GALNT13: variants seen among roughly 807,000 people sequenced by gnomAD.
GALNT13 encodes the protein polypeptide N-acetylgalactosaminyltransferase 13, also known as UDP-GalNAc:polypeptide N-acetylgalactosaminyltransferase 13.
In GALNT13, 28 loss-of-function variants were observed where a neutral mutation model predicts 64.2. The ratio of observed to expected loss-of-function variants is 0.44; its 90% CI spans 0.32 to 0.60. The LOEUF is 0.60. Among genes scored for constraint, GALNT13 ranks in the 20% least tolerant of loss-of-function variants. The pLI, the probability that GALNT13 is intolerant of heterozygous loss-of-function variation, is 0.05. For synonymous variants in GALNT13, 214 were observed against 224.6 expected (o/e 0.95, Z 0.42); for missense variants, 577 against 669.8 (o/e 0.86, Z 1.53).
intron 3 of GALNT13, among the ~76,000 whole-genome samples, chr2:154,084,088 G>A (rs1419851322): frequency 6.6e-6 from 1 of 151,880 alleles, no homozygotes; most frequent in Non-Finnish European, 1.5e-5. Context: ...CTGGAGAAGA[G>A]ATGCAGTTTA....
chr2:153,421,011 T>A, the GALNT13 span: 1 of 178,348 alleles, frequency 5.6e-6, no homozygotes, highest in South Asian at 1.1e-4. Context: ...TTTGGTCTTG[T>A]TAGTGGAATA....
At chr2:154,023,177 G>C (rs1470805189) in intron 3 of GALNT13, among the ~76,000 whole-genome samples, 1 of 152,158 alleles carries the variant, frequency 6.6e-6, no homozygotes, top group African/African-American at 2.4e-5. Flanking sequence ...TGTTGATTTG[G>C]GGTGGAGAGT....
chr2:153,596,608 A>G, the GALNT13 span, among the ~76,000 whole-genome samples: 2 of 152,232 alleles, frequency 1.3e-5, 1 homozygote, highest in East Asian at 3.9e-4. Flanking sequence ...TTAATCTTTA[A>G]CCTCAATTTA....
At chr2:153,357,137 T>G in the GALNT13 span, 1 of 152,192 alleles carries the variant, frequency 6.6e-6, no homozygotes, top group African/African-American at 2.4e-5. Flanking sequence ...TTAATTTGAT[T>G]ATTGTAGATA....
At chr2:153,708,157 T>G in the GALNT13 span, among the ~76,000 whole-genome samples, 1 of 152,098 alleles carries the variant, frequency 6.6e-6, no homozygotes, top group Non-Finnish European at 1.5e-5. Flanking sequence ...AATCTTCATT[T>G]TAGAATGAAA....
chr2:153,811,876 C>T, the GALNT13 span, among the ~76,000 whole-genome samples: 1 of 152,214 alleles, frequency 6.6e-6, no homozygotes, highest in Non-Finnish European at 1.5e-5. Context: ...ACATTTGCCT[C>T]AGAGCTTATA....
chr2:153,580,481 G>A, the GALNT13 span, among the ~76,000 whole-genome samples: 1 of 152,118 alleles, frequency 6.6e-6, no homozygotes, highest in Non-Finnish European at 1.5e-5. Context: ...TGTATGCCAG[G>A]TGAGAACGCC....
the GALNT13 span, among the ~76,000 whole-genome samples, chr2:153,820,343 T>G: frequency 6.6e-6 from 1 of 152,086 alleles, no homozygotes. Context: ...TTCCCTAATA[T>G]GGTTAGAGAG....
chr2:153,937,535 A>G (rs1482838166), intron 2 of GALNT13, among the ~76,000 whole-genome samples: 1 of 152,206 alleles, frequency 6.6e-6, no homozygotes, highest in Non-Finnish European at 1.5e-5. Context: ...TGAGGAAAGG[A>G]AATGCCCTAA....
the GALNT13 span, among the ~76,000 whole-genome samples, chr2:153,572,743 T>C: frequency 6.6e-6 from 1 of 152,022 alleles, no homozygotes; most frequent in African/African-American, 2.4e-5. Flanking sequence ...TATGTATTTG[T>C]ATAGTTTCCA....
rs543671584 is a variant in GALNT13 at position 154,157,983 on chromosome 2, C to T, written c.311+17478C>T. The stretch of plus-strand genomic sequence containing the variant: ...GATACCTTTTCACCCTAACCCCAAG[C>T]GTAGATATGTCCTAAGGGTAAGGCC... On this transcript the variant is annotated intron_variant, in intron 4 of 12. Coordinates refer to ENST00000392825, the MANE Select transcript of GALNT13 (RefSeq NM_052917.4). Among the ~76,000 whole-genome samples the T allele has an allele frequency of 8.3e-4, 126 of 152,222 alleles. 3 individuals carry two copies. Among genetic ancestry groups the T allele is most frequent in the South Asian group, 6.2e-3 (30 of 4,822 alleles).
At chr2:153,581,756 G>A in the GALNT13 span, among the ~76,000 whole-genome samples, 4 of 152,002 alleles carry the variant, frequency 2.6e-5, no homozygotes, top group Non-Finnish European at 5.9e-5. Context: ...ATTTATATAA[G>A]AGCTTAAGCA....
the GALNT13 span, among the ~76,000 whole-genome samples, chr2:153,679,096 C>T: frequency 6.6e-6 from 1 of 151,892 alleles, no homozygotes; most frequent in African/African-American, 2.4e-5. Flanking sequence ...AGCTAGTTTT[C>T]AGGGGTTCTT....
the GALNT13 span, among the ~76,000 whole-genome samples, chr2:153,458,427 A>AT: frequency 1.3e-5 from 2 of 151,982 alleles, no homozygotes; most frequent in East Asian, 1.9e-4. Context: ...TGCACACATC[A>AT]TTTTTTGTGT....
the GALNT13 span, among the ~76,000 whole-genome samples, chr2:153,411,932 A>T: frequency 6.6e-6 from 1 of 152,170 alleles, no homozygotes; most frequent in Non-Finnish European, 1.5e-5. Flanking sequence ...CATTTGAGTC[A>T]GTGGGCTAGG....
At chr2:153,370,725 C>T in the GALNT13 span, 9 of 152,252 alleles carry the variant, frequency 5.9e-5, no homozygotes, top group East Asian at 1.7e-3. Context: ...ATCCATATGT[C>T]ACCCATCTTC....
chr2:154,375,847 A>G (rs529465829), intron 9 of GALNT13, among the ~76,000 whole-genome samples: 57 of 152,314 alleles, frequency 3.7e-4, no homozygotes, highest in African/African-American at 1.3e-3. Flanking sequence ...GCTTCCATCT[A>G]CTGGATACTT....
chr2:153,717,197 C>T, the GALNT13 span, among the ~76,000 whole-genome samples: 1 of 152,170 alleles, frequency 6.6e-6, no homozygotes, highest in South Asian at 2.1e-4. Context: ...TCTGCTTTGC[C>T]ATTTTTCCCC....
the GALNT13 span, among the ~76,000 whole-genome samples, chr2:153,358,084 A>T: frequency 6.6e-6 from 1 of 152,202 alleles, no homozygotes; most frequent in Non-Finnish European, 1.5e-5. Context: ...GCAGTTCTGC[A>T]GGCTACTTAA....
Sources: allele counts gnomAD v4.1 joint callset (sites outside exome capture counted in the v4.1 genomes callset), GRCh38; gene constraint gnomAD v4.1.1; transcripts MANE v1.5; gene names NCBI Gene and HGNC (gene_info 2026-07-23, HGNC 2026-07-21).